The following SVEP1 variants were observed in gnomAD, a reference collection of about 807,000 sequenced individuals.
The protein encoded by SVEP1 is sushi, von Willebrand factor type A, EGF and pentraxin domain-containing protein 1.
A neutral mutation model predicts 367.3 loss-of-function variants in SVEP1; 164 were observed. That is an observed-to-expected ratio of 0.45 (90% CI 0.39 to 0.51). The LOEUF (loss-of-function observed/expected upper bound fraction) is 0.51, where lower values mean the gene tolerates loss of function less well. Ranked by LOEUF, SVEP1 falls within the 20% of genes least tolerant of loss-of-function variation. The probability of loss-of-function intolerance (pLI) is 0.00; values close to 1 mark genes in which losing one functional copy is unlikely to be tolerated. For missense variants in SVEP1, 4,117 were observed against 4,425.3 expected, an observed-to-expected ratio of 0.93 and a Z score of 1.98; for synonymous variants, 1,666 against 1,611.6, an observed-to-expected ratio of 1.03 and a Z score of -0.81.
At chr9:110,486,270 T>C (rs1345014962) in intron 9 of SVEP1, among the ~76,000 whole-genome samples, 1 of 152,242 alleles carries the variant, frequency 6.6e-6, no homozygotes, top group Non-Finnish European at 1.5e-5. Context: ...TCTGGGCATA[T>C]CTGATTTTAT....
intron 43 of SVEP1, among the ~76,000 whole-genome samples, chr9:110,383,260 T>C (rs890987987): frequency 1.3e-5 from 2 of 150,862 alleles, no homozygotes; most frequent in African/African-American, 5.0e-5. Context: ...GGCTTTTTTG[T>C]TGATGGCTGT....
At chr9:110,405,686 G>A (rs1369189841) in intron 38 of SVEP1, among the ~76,000 whole-genome samples, 1 of 152,182 alleles carries the variant, frequency 6.6e-6, no homozygotes, top group East Asian at 1.9e-4. Context: ...GCCAAGTGCT[G>A]CTCTAGGTCC....
chr9:110,413,531 TAAAGTA>T (rs1156424236), intron 36 of SVEP1, among the ~76,000 whole-genome samples: 1 of 151,702 alleles, frequency 6.6e-6, no homozygotes, highest in African/African-American at 2.4e-5. Context: ...CCCTAAAACT[TAAAGTA>T]TAATAATAAA....
intron 36 of SVEP1, among the ~76,000 whole-genome samples, chr9:110,424,145 C>T (rs945099874): frequency 1.2e-4 from 18 of 152,196 alleles, no homozygotes; most frequent in Admixed American, 1.0e-3. Flanking sequence ...TCCAACTCTT[C>T]GTGTCTAGGT....
At chr9:110,467,552 C>G (rs976840563) in intron 17 of SVEP1, among the ~76,000 whole-genome samples, 11 of 151,782 alleles carry the variant, frequency 7.2e-5, no homozygotes, top group African/African-American at 2.7e-4. Context: ...GGTTTAGTAT[C>G]GTACCCCTGG....
intron 27 of SVEP1, among the ~76,000 whole-genome samples, chr9:110,439,262 A>G (rs898960999): frequency 6.6e-6 from 1 of 152,212 alleles, no homozygotes; most frequent in Non-Finnish European, 1.5e-5. Flanking sequence ...TCTCCCTGCC[A>G]TGTGAGGATA....
intron 30 of SVEP1, 79 bp from the exon 31 acceptor site, chr9:110,432,714 G>C (rs1828370328): frequency 2.0e-6 from 3 of 1,472,926 alleles, no homozygotes; most frequent in South Asian, 2.7e-5. Flanking sequence ...TAAACTAGCA[G>C]TTCAGTTAAG....
intron 9 of SVEP1, 47 bp downstream of exon 9, chr9:110,489,603 T>C: frequency 1.3e-6 from 2 of 1,561,374 alleles, no homozygotes; most frequent in Non-Finnish European, 1.7e-6. Flanking sequence ...GGAGCCACAG[T>C]TCAAGATGAC....
intron 40 of SVEP1, among the ~76,000 whole-genome samples, chr9:110,393,045 AG>A (rs1827689020): frequency 6.6e-6 from 1 of 152,222 alleles, no homozygotes; most frequent in Non-Finnish European, 1.5e-5. Flanking sequence ...AATAGCTTGG[AG>A]TGAGAGCAAT....
At chr9:110,450,333 T>A in intron 23 of SVEP1, 73 bp from the exon 24 acceptor site, 1 of 1,457,270 alleles carries the variant, frequency 6.9e-7, no homozygotes, top group Non-Finnish European at 9.5e-7. Context: ...AAGTGTTGAC[T>A]CCCTGGAGGA....
intron 1 of SVEP1, among the ~76,000 whole-genome samples, chr9:110,552,145 C>A (rs1588105407): frequency 1.3e-5 from 2 of 150,448 alleles, no homozygotes; most frequent in South Asian, 4.2e-4. Flanking sequence ...GATTCTCCTG[C>A]CTCAGCCTCC....
intron 2 of SVEP1, among the ~76,000 whole-genome samples, chr9:110,547,323 T>C (rs1830232644): frequency 6.6e-6 from 1 of 152,312 alleles, no homozygotes; most frequent in East Asian, 1.9e-4. Context: ...ACAGGTTTAT[T>C]TGGCAGTAAA....
chr9:110,406,448 T>C lies in SVEP1; in HGVS notation c.9152A>G (p.Gln3051Arg). Reference sequence around the variant, plus strand: ...ACAGTGGGGGAACCCAGAGCTCCACTGGCCATCGGCTTCACAGGTGATTTC... The same window carrying C: ...ACAGTGGGGGAACCCAGAGCTCCACCGGCCATCGGCTTCACAGGTGATTTC... ...LSEITCEADG[Q>R]WSSGFPHCEH... Residue 3051 changes from glutamine (Q) to arginine (R), a missense_variant, in exon 38 of 48, where the codon CAG becomes CGG. Physicochemically the swap from Gln to Arg is conservative, Grantham distance 43. Around this residue, in one of 4 missense-constraint regions of SVEP1, gnomAD observed 1,765 missense variants for 1,781.1 expected, o/e 0.99. Coordinates refer to ENST00000374469, the MANE Select transcript of SVEP1 (RefSeq NM_153366.4). 6.2e-7 allele frequency: 1 copy of C among 1,614,058 alleles called. No homozygotes were observed.
At chr9:110,381,331 T>C (rs1218022337) in intron 43 of SVEP1, among the ~76,000 whole-genome samples, 1 of 152,220 alleles carries the variant, frequency 6.6e-6, no homozygotes. Context: ...ACCTTTTCGA[T>C]GTGGGCATTT....
At position 110,387,335 on chromosome 9, in the gene SVEP1, G is replaced by A. The variant is rs774690333; in HGVS notation, c.10010C>T (p.Ala3337Val). The A allele has an allele frequency of 6.2e-7, 1 of 1,612,838 alleles. No individual in the cohort carries two copies. Among genetic ancestry groups the A allele is most frequent in the Non-Finnish European group, 8.5e-7 (1 of 1,179,638 alleles). ...CCAGGTTCCATTTTCTGTGCAGTGTGCCTCAGATGGCCCTTCAAGACTGTA... is the reference window on the plus strand; with the variant it reads ...CCAGGTTCCATTTTCTGTGCAGTGTACCTCAGATGGCCCTTCAAGACTGTA... Reference protein sequence around the residue: ...RGYSLEGPSEAHCTENGTWSH... With the variant: ...RGYSLEGPSEVHCTENGTWSH... The change falls in exon 42 of 48, where the codon GCA becomes GTA. Residue 3337 changes from alanine (A) to valine (V), a missense_variant. Around this residue, in one of 4 missense-constraint regions of SVEP1, gnomAD observed 1,765 missense variants for 1,781.1 expected, o/e 0.99. Transcript: ENST00000374469.
intron 43 of SVEP1, among the ~76,000 whole-genome samples, chr9:110,385,536 G>C (rs1324604226): frequency 6.6e-6 from 1 of 152,184 alleles, no homozygotes; most frequent in Non-Finnish European, 1.5e-5. Context: ...TCAAGTTTGA[G>C]AACCACTGTG....
chr9:110,574,876 G>C (rs10980456), intron 1 of SVEP1, among the ~76,000 whole-genome samples: 3 of 151,258 alleles, frequency 2.0e-5, no homozygotes, highest in African/African-American at 7.3e-5. Flanking sequence ...CTCCCGAGTA[G>C]CTGGGACTAC....
At chr9:110,390,291 T>A (rs1316339009) in intron 40 of SVEP1, among the ~76,000 whole-genome samples, 1 of 26,500 alleles carries the variant, frequency 3.8e-5, no homozygotes, top group Non-Finnish European at 7.1e-5. Flanking sequence ...ATATACATAC[T>A]TATATATACT....
intron 40 of SVEP1, among the ~76,000 whole-genome samples, chr9:110,390,286 C>CTTATATAAGTATATATAT (rs1564127486): frequency 1.5e-4 from 6 of 39,926 alleles, no homozygotes; most frequent in African/African-American, 1.0e-3. Context: ...TATATATATA[C>CTTATATAAGTATATATAT]ATACTTATAT....
Sources: gnomAD v4.1 joint callset for allele counts (sites outside exome capture counted in the v4.1 genomes callset) on GRCh38, gnomAD v4.1.1 for gene constraint, gnomAD v4.1.1 regional missense constraint, MANE v1.5 for transcripts, NCBI Gene and HGNC (gene_info 2026-07-23, HGNC 2026-07-21) for gene names.